The following PTGER3 variants were observed in gnomAD, a reference collection of about 807,000 sequenced individuals.
The protein encoded by PTGER3 is prostaglandin E receptor 3.
In PTGER3, 22 loss-of-function variants were observed where a neutral mutation model predicts 34.7. The ratio of observed to expected loss-of-function variants is 0.63; its 90% CI spans 0.45 to 0.91. The LOEUF (loss-of-function observed/expected upper bound fraction) is 0.91. Among genes scored for constraint, PTGER3 ranks in the 40% least tolerant of loss-of-function variants. The probability of loss-of-function intolerance (pLI) is 0.00; values close to 1 mark genes in which losing one functional copy is unlikely to be tolerated. For missense variants in PTGER3, 468 were observed against 519.4 expected, an observed-to-expected ratio of 0.90 and a Z score of 0.96; for synonymous variants, 241 against 230.1, an observed-to-expected ratio of 1.05 and a Z score of -0.43.
At chr1:70,989,030 AT>A (rs1324982493) in intron 2 of PTGER3, among the ~76,000 whole-genome samples, 1 of 151,890 alleles carries the variant, frequency 6.6e-6, no homozygotes, top group Non-Finnish European at 1.5e-5. Flanking sequence ...TTTGCATGTA[AT>A]TCCCCCCCCA....
At chr1:70,938,404 A>G (rs1390443983) in intron 4 of PTGER3, among the ~76,000 whole-genome samples, 1 of 152,186 alleles carries the variant, frequency 6.6e-6, no homozygotes, top group Non-Finnish European at 1.5e-5. Context: ...ACTGAAAAAG[A>G]ATTTAAATAT....
At chr1:71,032,469 T>G (rs1217681618) in intron 1 of PTGER3, among the ~76,000 whole-genome samples, 2 of 152,214 alleles carry the variant, frequency 1.3e-5, no homozygotes, top group African/African-American at 4.8e-5. Flanking sequence ...AAAAGCAAAA[T>G]TAAAACCTCA....
At chr1:70,941,148 T>G (rs954456763) in intron 4 of PTGER3, among the ~76,000 whole-genome samples, 6 of 152,206 alleles carry the variant, frequency 3.9e-5, no homozygotes, top group African/African-American at 1.4e-4. Context: ...AATGCAATAC[T>G]CATATATAAA....
At chr1:71,030,230 G>A (rs1437991264) in intron 1 of PTGER3, among the ~76,000 whole-genome samples, 1 of 152,122 alleles carries the variant, frequency 6.6e-6, no homozygotes, top group Non-Finnish European at 1.5e-5. Flanking sequence ...ATCTGGGTGA[G>A]AGGCTACTAT....
intron 4 of PTGER3, among the ~76,000 whole-genome samples, chr1:70,915,318 G>GAATAAATGAATAA (rs1647150579): frequency 6.6e-6 from 1 of 151,780 alleles, no homozygotes; most frequent in Admixed American, 6.6e-5. Context: ...AATTATCTAT[G>GAATAAATGAATAA]CCTATTGAAT....
chr1:71,036,637 G>A (rs148397248), intron 1 of PTGER3, among the ~76,000 whole-genome samples: 1,743 of 152,176 alleles, frequency 0.011, 40 homozygotes, highest in African/African-American at 0.039. Context: ...TCAGGAGATC[G>A]AGACCATCCT....
intron 4 of PTGER3, among the ~76,000 whole-genome samples, chr1:70,900,309 T>G (rs890925364): frequency 6.6e-6 from 1 of 151,822 alleles, no homozygotes; most frequent in African/African-American, 2.4e-5. Context: ...GTTGTTGGAG[T>G]TGGGGGGAAG....
intron 4 of PTGER3, among the ~76,000 whole-genome samples, chr1:70,911,762 C>T (rs904383910): frequency 3.9e-5 from 6 of 152,064 alleles, no homozygotes; most frequent in African/African-American, 7.2e-5. Context: ...CGTGTTACAA[C>T]GTAACTCGAA....
chr1:71,012,083 A>T, intron 2 of PTGER3: 1 of 1,487,428 alleles, frequency 6.7e-7, no homozygotes, highest in Non-Finnish European at 8.9e-7. Flanking sequence ...TGCTTCTAAG[A>T]CCATTTAGCT....
chr1:70,870,112 G>A (rs899959178), intron 4 of PTGER3, among the ~76,000 whole-genome samples: 21 of 152,202 alleles, frequency 1.4e-4, no homozygotes, highest in African/African-American at 3.4e-4. Flanking sequence ...AGGGTGCCAA[G>A]CCTCCACCAC....
At chr1:71,016,145 C>T (rs1657872752) in intron 1 of PTGER3, among the ~76,000 whole-genome samples, 1 of 152,136 alleles carries the variant, frequency 6.6e-6, no homozygotes, top group Non-Finnish European at 1.5e-5. Context: ...GTTAACTAGG[C>T]TGATCTCAAA....
At chr1:71,011,084 G>C (rs1019459028) in intron 2 of PTGER3, 11 of 985,648 alleles carry the variant, frequency 1.1e-5, no homozygotes, top group Admixed American at 6.2e-5. Flanking sequence ...GTTTGGTGGG[G>C]AGACATTTTT....
At chr1:70,868,948 G>A (rs554934884) in intron 4 of PTGER3, among the ~76,000 whole-genome samples, 10 of 152,216 alleles carry the variant, frequency 6.6e-5, no homozygotes, top group South Asian at 4.2e-4. Flanking sequence ...GTATTAGGCC[G>A]TTCATGGTTC....
At chr1:70,924,988 G>T (rs1475290123) in intron 4 of PTGER3, among the ~76,000 whole-genome samples, 2 of 152,118 alleles carry the variant, frequency 1.3e-5, no homozygotes, top group Non-Finnish European at 2.9e-5. Context: ...TATTGTGATG[G>T]TTAATATTGA....
At chr1:70,953,915 C>T in intron 2 of PTGER3, 1 of 487,298 alleles carries the variant, frequency 2.1e-6, no homozygotes, top group Non-Finnish European at 3.6e-6. Flanking sequence ...GGTAAATAGA[C>T]TAAAAGTATA....
chr1:70,944,959 C>T (rs1650089037), intron 4 of PTGER3, among the ~76,000 whole-genome samples: 1 of 152,094 alleles, frequency 6.6e-6, no homozygotes, highest in South Asian at 2.1e-4. Flanking sequence ...CTAAAGAGAA[C>T]TTCTCATCCG....
chr1:70,936,899 T>C (rs1649282504), intron 4 of PTGER3, among the ~76,000 whole-genome samples: 1 of 152,196 alleles, frequency 6.6e-6, no homozygotes, highest in Admixed American at 6.5e-5. Context: ...GTAAATACTG[T>C]ATCAATTAAA....
At chr1:71,003,835 G>T (rs1429070294) in intron 2 of PTGER3, among the ~76,000 whole-genome samples, 2 of 152,146 alleles carry the variant, frequency 1.3e-5, no homozygotes, top group African/African-American at 4.8e-5. Context: ...AAATCATAGA[G>T]GCTCTCACAG....
At chr1:70,978,840 C>G (rs955513747) in intron 2 of PTGER3, among the ~76,000 whole-genome samples, 2 of 151,952 alleles carry the variant, frequency 1.3e-5, no homozygotes, top group Admixed American at 6.6e-5. Flanking sequence ...CTAAAAGGAG[C>G]CTTGGAGATG....
Sources: gnomAD v4.1 joint callset for allele counts (sites outside exome capture counted in the v4.1 genomes callset) on GRCh38, gnomAD v4.1.1 for gene constraint, MANE v1.5 for transcripts, NCBI Gene and HGNC (gene_info 2026-07-23, HGNC 2026-07-21) for gene names.